TMEM266: variants seen among roughly 807,000 people sequenced by gnomAD.
The protein encoded by TMEM266 is Hv1 related protein 1.
A neutral mutation model predicts 50.5 loss-of-function variants in TMEM266; 33 were observed. That is an observed-to-expected ratio of 0.65 (90% CI 0.50 to 0.87). TMEM266 has a LOEUF of 0.87. TMEM266 is among the 40% of genes least tolerant of loss of function. TMEM266 has a pLI of 0.00. For synonymous variants in TMEM266, 310 were observed against 292.3 expected (o/e 1.06, Z -0.62); for missense variants, 655 against 695.1 (o/e 0.94, Z 0.65).
Position 76,202,264 on chromosome 15 carries a change from G to C in TMEM266, c.1021G>C (p.Asp341His). 6.2e-7 allele frequency: 1 copy of C among 1,612,946 alleles called. No homozygotes were observed. Among genetic ancestry groups the C allele is most frequent in the Non-Finnish European group, 8.5e-7 (1 of 1,179,270 alleles). The change falls in exon 10 of 11, where the codon GAC becomes CAC. Residue 341 changes from aspartate to histidine, a missense_variant and splice_region_variant. By Grantham distance (81) the Asp-to-His change is moderately conservative. This residue lies in a region of TMEM266 where 455 missense variants were observed against 401.8 expected (regional missense o/e 1.13). Coordinates refer to ENST00000388942, the MANE Select transcript of TMEM266 (RefSeq NM_152335.3). ...TCAGTATTACAATGGGCCCAGCAGT[G>C]GTAAGTCTGGGTTGGGGCTGTTCTA...
intron 1 of TMEM266, among the ~76,000 whole-genome samples, chr15:76,076,169 T>C (rs985725890): frequency 1.3e-5 from 2 of 151,974 alleles, no homozygotes. Flanking sequence ...AGAAGGCAGC[T>C]CTTCAAGCCT....
intron 1 of TMEM266, among the ~76,000 whole-genome samples, chr15:76,097,129 G>C (rs921334754): frequency 2.6e-5 from 4 of 151,862 alleles, no homozygotes; most frequent in Non-Finnish European, 5.9e-5. Context: ...GGTTAATATT[G>C]TTATGTGTGA....
chr15:76,099,360 G>A (rs1421385610), intron 1 of TMEM266, among the ~76,000 whole-genome samples: 1 of 152,196 alleles, frequency 6.6e-6, no homozygotes, highest in Non-Finnish European at 1.5e-5. Context: ...CTTCCCAGGT[G>A]AGGCAACGCC....
At chr15:76,171,985 G>A in intron 7 of TMEM266, among the ~76,000 whole-genome samples, 1 of 152,142 alleles carries the variant, frequency 6.6e-6, no homozygotes, top group East Asian at 1.9e-4. Flanking sequence ...TATGGAAGGG[G>A]GAAGACTCAA....
At chr15:76,094,990 T>C (rs1400837526) in intron 1 of TMEM266, among the ~76,000 whole-genome samples, 4 of 152,138 alleles carry the variant, frequency 2.6e-5, no homozygotes, top group African/African-American at 9.6e-5. Flanking sequence ...CTGAAGTTGC[T>C]TATCAGCTTA....
At chr15:76,126,593 A>G (rs945920385) in intron 1 of TMEM266, among the ~76,000 whole-genome samples, 13 of 150,274 alleles carry the variant, frequency 8.7e-5, no homozygotes, top group Admixed American at 2.0e-4. Flanking sequence ...GTGCAGTGGC[A>G]TGATCTCGGC....
At chr15:76,152,118 C>G (rs1194196856) in intron 3 of TMEM266, among the ~76,000 whole-genome samples, 1 of 152,134 alleles carries the variant, frequency 6.6e-6, no homozygotes, top group East Asian at 1.9e-4. Flanking sequence ...CCAGGCCTCA[C>G]CAGCCACTGT....
At chr15:76,108,936 A>T (rs1334757168) in intron 1 of TMEM266, 2 of 152,182 alleles carry the variant, frequency 1.3e-5, no homozygotes, top group Non-Finnish European at 2.9e-5. Context: ...TTTGGCACTC[A>T]TCATAAACTA....
rs1483887165 is a variant in TMEM266, at chr15:76,170,978, G to A, written c.514-15G>A. On this transcript the variant is annotated splice_polypyrimidine_tract_variant and intron_variant, in intron 6 of 10. Transcript: ENST00000388942. Reference sequence around the variant, plus strand: ...CGGCAGGGCCCAGGGCACTGAAATGGGCCTCCTCTCACAGGTGTTTGACGG... The same window carrying A: ...CGGCAGGGCCCAGGGCACTGAAATGAGCCTCCTCTCACAGGTGTTTGACGG... 3 of 1,608,736 alleles carry A rather than the reference G, an allele frequency of 1.9e-6. No individual in the cohort carries two copies. The South Asian group carries it at 3.3e-5, about 18-fold the overall frequency.
intron 1 of TMEM266, among the ~76,000 whole-genome samples, chr15:76,082,238 G>A (rs530467277): frequency 6.6e-6 from 1 of 152,304 alleles, no homozygotes; most frequent in East Asian, 1.9e-4. Flanking sequence ...ATGCATGACT[G>A]TTTTAGTCCA....
At chr15:76,197,170 T>A (rs961860256) in intron 9 of TMEM266, among the ~76,000 whole-genome samples, 1 of 152,196 alleles carries the variant, frequency 6.6e-6, no homozygotes. Flanking sequence ...GGAGCGGGCC[T>A]GGCTGATCAT....
At chr15:76,126,413 T>C (rs1819309335) in intron 1 of TMEM266, among the ~76,000 whole-genome samples, 2 of 148,362 alleles carry the variant, frequency 1.3e-5, no homozygotes, top group African/African-American at 2.5e-5. Flanking sequence ...TGGAATATTA[T>C]TCAGCCTTTA....
chr15:76,174,033 G>C (rs1166537061), intron 7 of TMEM266, among the ~76,000 whole-genome samples: 1 of 152,074 alleles, frequency 6.6e-6, no homozygotes, highest in Admixed American at 6.6e-5. Flanking sequence ...AAGAGCCCAG[G>C]CTCCTTCTGT....
At chr15:76,088,743 G>T in intron 1 of TMEM266, among the ~76,000 whole-genome samples, 1 of 151,922 alleles carries the variant, frequency 6.6e-6, no homozygotes, top group East Asian at 2.0e-4. Flanking sequence ...CTTGCAGTGA[G>T]CTGAGATCAC....
chr15:76,181,880 C>T (rs1158673242), intron 8 of TMEM266, among the ~76,000 whole-genome samples: 1 of 152,216 alleles, frequency 6.6e-6, no homozygotes. Context: ...TACACCCGCT[C>T]TTTCATGTTT....
chr15:76,099,539 C>G (rs1384509958), intron 1 of TMEM266, among the ~76,000 whole-genome samples: 1 of 152,338 alleles, frequency 6.6e-6, no homozygotes, highest in East Asian at 1.9e-4. Flanking sequence ...TGCCAACAAT[C>G]CCAGGTGCTA....
At chr15:76,085,325 T>G (rs1034843442) in intron 1 of TMEM266, among the ~76,000 whole-genome samples, 1 of 151,060 alleles carries the variant, frequency 6.6e-6, no homozygotes, top group African/African-American at 2.4e-5. Context: ...TAGTGTGATC[T>G]TGGCTCACTG....
At chr15:76,195,526 T>G (rs1455157091) in intron 9 of TMEM266, among the ~76,000 whole-genome samples, 1 of 152,244 alleles carries the variant, frequency 6.6e-6, no homozygotes. Context: ...TTTGCCCACT[T>G]CGCCTGGCTT....
At chr15:76,071,177 A>C (rs961135197) in intron 1 of TMEM266, among the ~76,000 whole-genome samples, 1 of 152,162 alleles carries the variant, frequency 6.6e-6, no homozygotes, top group African/African-American at 2.4e-5. Context: ...CTCTTTGTGT[A>C]GTGCCAAGGC....
Sources: allele counts gnomAD v4.1 joint callset (sites outside exome capture counted in the v4.1 genomes callset), GRCh38; gene constraint gnomAD v4.1.1; regional missense constraint gnomAD v4.1.1; transcripts MANE v1.5; gene names NCBI Gene and HGNC (gene_info 2026-07-23, HGNC 2026-07-21).